The following DDAH1 variants were observed in gnomAD, a reference collection of about 807,000 sequenced individuals.
DDAH1 encodes the protein dimethylarginine dimethylaminohydrolase 1.
A neutral mutation model predicts 28.8 loss-of-function variants in DDAH1; 19 were observed. The ratio of observed to expected loss-of-function variants is 0.66; its 90% confidence interval spans 0.46 to 0.97. The LOEUF (loss-of-function observed/expected upper bound fraction) is 0.97. Among genes scored for constraint, DDAH1 ranks in the 50% least tolerant of loss-of-function variants. DDAH1 has a pLI of 0.00. For missense variants in DDAH1, 326 were observed against 375.9 expected, an observed-to-expected ratio of 0.87 and a Z score of 1.10; for synonymous variants, 153 against 154.4, an observed-to-expected ratio of 0.99 and a Z score of 0.07.
intron 4 of DDAH1, among the ~76,000 whole-genome samples, chr1:85,327,338 A>G (rs1647468450): frequency 6.6e-6 from 1 of 152,192 alleles, no homozygotes; most frequent in African/African-American, 2.4e-5. Context: ...CCTTAGTCTT[A>G]AAAACCATAA....
intron 1 of DDAH1, among the ~76,000 whole-genome samples, chr1:85,510,184 G>A (rs531503762): frequency 6.6e-6 from 1 of 152,232 alleles, no homozygotes; most frequent in East Asian, 1.9e-4. Flanking sequence ...AAGAAAGTGG[G>A]GGCCAATATT....
chr1:85,428,641 A>T (rs1431792576), intron 1 of DDAH1, among the ~76,000 whole-genome samples: 3 of 152,186 alleles, frequency 2.0e-5, no homozygotes, highest in Non-Finnish European at 4.4e-5. Flanking sequence ...CTGAGAAGGC[A>T]GTGGAAATGG....
chr1:85,392,406 A>T (rs1651595907), intron 1 of DDAH1, among the ~76,000 whole-genome samples: 1 of 152,180 alleles, frequency 6.6e-6, no homozygotes, highest in South Asian at 2.1e-4. Context: ...ATAAGATCAC[A>T]TTCTGAGGTA....
At chr1:85,434,762 T>C (rs1311096065) in intron 1 of DDAH1, among the ~76,000 whole-genome samples, 1 of 152,200 alleles carries the variant, frequency 6.6e-6, no homozygotes, top group African/African-American at 2.4e-5. Context: ...TTTCAAAGTG[T>C]TCTTGGCTAT....
intron 2 of DDAH1, among the ~76,000 whole-genome samples, chr1:85,471,811 C>T (rs1292832038): frequency 6.6e-6 from 1 of 152,230 alleles, no homozygotes; most frequent in African/African-American, 2.4e-5. Flanking sequence ...CAAAGCTCAA[C>T]CTTCTCTGGT....
chr1:85,416,514 G>A (rs913847971), intron 1 of DDAH1, among the ~76,000 whole-genome samples: 2 of 152,072 alleles, frequency 1.3e-5, no homozygotes, highest in Non-Finnish European at 2.9e-5. Flanking sequence ...TATTTGACTA[G>A]TTTGATTATC....
At chr1:85,386,134 C>T (rs1651244521) in intron 1 of DDAH1, among the ~76,000 whole-genome samples, 1 of 152,166 alleles carries the variant, frequency 6.6e-6, no homozygotes, top group Non-Finnish European at 1.5e-5. Context: ...TAATCCTTTC[C>T]CTGGTTCCCC....
Position 85,324,617 on chromosome 1 carries a change from C to T in DDAH1, c.741+123G>A. ...TCCTTGTGCCCTAAATTGTATTATC[C>T]TTTCTTTTCTTAATTGTTTGATATG... On this transcript the variant is annotated intron_variant, in intron 5 of 5. Transcript: ENST00000284031. The T allele has an allele frequency of 3.6e-6, 4 of 1,124,010 alleles. No individual in the cohort carries two copies. The East Asian group carries it at 7.2e-5, about 20-fold the overall frequency. The allele number at this position is 1,124,010 out of a possible 1,614,324, so 69.6% of individuals were successfully genotyped here.
chr1:85,546,273 T>C (rs955696061), intron 1 of DDAH1, among the ~76,000 whole-genome samples: 1 of 151,946 alleles, frequency 6.6e-6, no homozygotes, highest in Non-Finnish European at 1.5e-5. Flanking sequence ...ATCTTGGGAG[T>C]GGGTTCCTTA....
At chr1:85,427,851 C>T (rs1049344258) in intron 1 of DDAH1, among the ~76,000 whole-genome samples, 3 of 152,050 alleles carry the variant, frequency 2.0e-5, no homozygotes, top group Admixed American at 6.6e-5. Flanking sequence ...GAACTAGCTC[C>T]GCAAATATCA....
intron 1 of DDAH1, among the ~76,000 whole-genome samples, chr1:85,528,789 T>C (rs1281502454): frequency 1.3e-5 from 2 of 152,146 alleles, no homozygotes; most frequent in African/African-American, 4.8e-5. Context: ...GCCTGACCAA[T>C]ACGGTGAAAC....
At chr1:85,405,335 T>G (rs1652354266) in intron 1 of DDAH1, among the ~76,000 whole-genome samples, 1 of 152,230 alleles carries the variant, frequency 6.6e-6, no homozygotes, top group Non-Finnish European at 1.5e-5. Flanking sequence ...GAAAAGATCT[T>G]GTTTTTCCCT....
intron 1 of DDAH1, among the ~76,000 whole-genome samples, chr1:85,412,144 GGTTTT>G (rs1357655754): frequency 6.6e-6 from 1 of 152,120 alleles, no homozygotes; most frequent in Non-Finnish European, 1.5e-5. Context: ...ACATGTGAAA[GGTTTT>G]GTTTTAAGGC....
intron 1 of DDAH1, among the ~76,000 whole-genome samples, chr1:85,519,361 G>T (rs1249179339): frequency 2.0e-5 from 3 of 152,160 alleles, no homozygotes; most frequent in Admixed American, 2.0e-4. Context: ...GTGAGCCACC[G>T]TGCCTGGCCA....
chr1:85,438,989 T>C (rs1028153290), intron 1 of DDAH1, among the ~76,000 whole-genome samples: 1 of 152,238 alleles, frequency 6.6e-6, no homozygotes, highest in Non-Finnish European at 1.5e-5. Context: ...ACTAAGTCTG[T>C]GATCTTAGTC....
chr1:85,415,414 G>C (rs995148173), intron 1 of DDAH1, among the ~76,000 whole-genome samples: 1 of 152,178 alleles, frequency 6.6e-6, no homozygotes, highest in African/African-American at 2.4e-5. Flanking sequence ...TTACAAGCCA[G>C]CTCTACTTCT....
chr1:85,413,784 TATAG>T (rs1652764320), intron 1 of DDAH1, among the ~76,000 whole-genome samples: 1 of 152,194 alleles, frequency 6.6e-6, no homozygotes, highest in South Asian at 2.1e-4. Flanking sequence ...GTAAAGAAAT[TATAG>T]AGTTCATCTT....
At chr1:85,486,167 A>C (rs77663297) in intron 2 of DDAH1, among the ~76,000 whole-genome samples, 6,761 of 152,254 alleles carry the variant, frequency 0.044, 337 homozygotes, top group African/African-American at 0.12. Flanking sequence ...TATGGAACTT[A>C]CTATCACAAT....
In DDAH1 at chr1:85,577,001, T is replaced by C. The variant is rs1659629415; in HGVS notation, c.-123+983A>G. ...ACCGCCACCGCCCCCCGAAGCTAGATGACGGAGTCTTGAAAGACTTTCACC... is the reference window on the plus strand; with the variant it reads ...ACCGCCACCGCCCCCCGAAGCTAGACGACGGAGTCTTGAAAGACTTTCACC... On this transcript the variant is annotated intron_variant, in intron 1 of 6. Transcript: ENST00000426972. 3 of 153,944 alleles carry C rather than the reference T, an allele frequency of 1.9e-5. No individual in the cohort carries two copies. In the South Asian group the frequency reaches 5.3e-4, roughly 27 times the overall value. 9.5% of individuals were successfully genotyped at this position (153,944 alleles called of 1,614,324 possible). A position where few individuals can be genotyped will look rare whatever the true frequency, so the allele number is the denominator to read the frequency against.
Sources: allele counts gnomAD v4.1 joint callset (sites outside exome capture counted in the v4.1 genomes callset), GRCh38; gene constraint gnomAD v4.1.1; transcripts MANE v1.5; gene names NCBI Gene and HGNC (gene_info 2026-07-23, HGNC 2026-07-21).